Variants in GRHL2 observed in about 807,000 individuals in gnomAD.
GRHL2 encodes grainyhead like transcription factor 2, also known as grainyhead-like protein 2 homolog.
In GRHL2, 21 loss-of-function variants were observed where a neutral mutation model predicts 83.8. The ratio of observed to expected loss-of-function variants is 0.25; its 90% CI spans 0.18 to 0.36. The LOEUF is 0.36. Among genes scored for constraint, GRHL2 ranks in the 10% least tolerant of loss-of-function variants. The pLI is 1.00. For missense variants in GRHL2, 623 were observed against 781.8 expected (o/e 0.80, Z 2.42); for synonymous variants, 280 against 278.9 (o/e 1.00, Z -0.04).
chr8:101,557,022 A>G (rs1410161577), intron 3 of GRHL2, among the ~76,000 whole-genome samples: 1 of 151,998 alleles, frequency 6.6e-6, no homozygotes, highest in Non-Finnish European at 1.5e-5. Flanking sequence ...AATTTTTGCC[A>G]CTGCTTAATA....
intron 1 of GRHL2, 93 bp downstream of exon 1, chr8:101,492,882 G>A (rs1362593338): frequency 1.2e-5 from 14 of 1,161,390 alleles, no homozygotes; most frequent in Non-Finnish European, 1.7e-5. Flanking sequence ...AGTTGCTATT[G>A]TTGGTATTTT....
At chr8:101,511,186 T>C (rs1810457013) in intron 1 of GRHL2, among the ~76,000 whole-genome samples, 1 of 152,156 alleles carries the variant, frequency 6.6e-6, no homozygotes, top group Admixed American at 6.5e-5. Flanking sequence ...TAGTTCCATA[T>C]CAATAATACA....
At chr8:101,563,629 CT>C (rs1811653514) in intron 4 of GRHL2, among the ~76,000 whole-genome samples, 1 of 152,122 alleles carries the variant, frequency 6.6e-6, no homozygotes, top group Non-Finnish European at 1.5e-5. Flanking sequence ...ACTTTCAATG[CT>C]CTTGAAATTT....
chr8:101,673,140 A>G (rs1243542588), downstream of GRHL2, among the ~76,000 whole-genome samples: 2 of 151,974 alleles, frequency 1.3e-5, no homozygotes, highest in African/African-American at 2.4e-5. Context: ...AAGAAACTGC[A>G]TCAACTAATG....
At chr8:101,510,813 G>A (rs184412125) in intron 1 of GRHL2, among the ~76,000 whole-genome samples, 22 of 151,950 alleles carry the variant, frequency 1.4e-4, no homozygotes, top group South Asian at 1.0e-3. Flanking sequence ...TTCACTTGTC[G>A]GCCGGGCGTG....
intron 1 of GRHL2, 195 bp downstream of exon 1, chr8:101,492,984 A>C: frequency 3.1e-6 from 2 of 637,702 alleles, no homozygotes; most frequent in Non-Finnish European, 5.6e-6. Flanking sequence ...CAACAATGTG[A>C]ATATTTAATA....
intron 9 of GRHL2, among the ~76,000 whole-genome samples, chr8:101,627,338 A>G (rs1005856566): frequency 1.3e-5 from 2 of 152,080 alleles, no homozygotes; most frequent in Middle Eastern, 6.8e-3. Context: ...CATTATTATT[A>G]TATCTGTCAT....
chr8:101,670,573 C>G (rs1414134157), downstream of GRHL2, among the ~76,000 whole-genome samples: 16 of 152,220 alleles, frequency 1.1e-4, no homozygotes, highest in Non-Finnish European at 5.9e-5. Flanking sequence ...GGCTTGTTGT[C>G]ATGACTGTGT....
At chr8:101,664,917 A>G (rs550124493) in intron 15 of GRHL2, among the ~76,000 whole-genome samples, 1 of 152,204 alleles carries the variant, frequency 6.6e-6, no homozygotes, top group Non-Finnish European at 1.5e-5. Context: ...AACATAGGGG[A>G]TTCCTCTAAG....
intron 1 of GRHL2, among the ~76,000 whole-genome samples, chr8:101,532,768 AAG>A (rs1810964259): frequency 6.6e-6 from 1 of 151,746 alleles, no homozygotes; most frequent in South Asian, 2.1e-4. Context: ...AAAAAAAAAA[AAG>A]AGAGAGTAGA....
intron 14 of GRHL2, among the ~76,000 whole-genome samples, chr8:101,657,351 A>C (rs934018150): frequency 6.6e-6 from 1 of 152,182 alleles, no homozygotes; most frequent in African/African-American, 2.4e-5. Flanking sequence ...TTTTGGGCAA[A>C]GAGAACTTTC....
At chr8:101,552,082 G>A (rs1360048788) in intron 2 of GRHL2, among the ~76,000 whole-genome samples, 4 of 151,970 alleles carry the variant, frequency 2.6e-5, no homozygotes, top group Non-Finnish European at 4.4e-5. Context: ...TGATCCGCCC[G>A]CCTTGGCCTC....
chr8:101,525,408 C>G (rs1255615556), intron 1 of GRHL2, among the ~76,000 whole-genome samples: 1 of 151,944 alleles, frequency 6.6e-6, no homozygotes, highest in Non-Finnish European at 1.5e-5. Flanking sequence ...AAATTAAAGA[C>G]AGTAAATTTT....
chr8:101,654,902 G>T (rs1813751382), intron 14 of GRHL2, among the ~76,000 whole-genome samples: 2 of 152,184 alleles, frequency 1.3e-5, no homozygotes, highest in Non-Finnish European at 2.9e-5. Context: ...AAGTCTCCAG[G>T]CCAGGGGTAG....
intron 7 of GRHL2, among the ~76,000 whole-genome samples, chr8:101,578,916 G>A (rs190618430): frequency 9.2e-5 from 14 of 152,220 alleles, no homozygotes; most frequent in African/African-American, 2.9e-4. Flanking sequence ...TAGTTAAGCC[G>A]CTCCTCACCT....
At chr8:101,562,334 G>T in intron 4 of GRHL2, 5 of 647,700 alleles carry the variant, frequency 7.7e-6, no homozygotes, top group South Asian at 3.6e-5. Flanking sequence ...GGAATGCTTT[G>T]GTTCACCTAG....
rs1183045715 is a variant in GRHL2, at chr8:101,543,488, T to C, written c.216+52T>C. On this transcript the variant is annotated intron_variant, in intron 2 of 15. Coordinates refer to ENST00000646743, the MANE Select transcript of GRHL2 (RefSeq NM_024915.4). ...TTCTTCCTGCTCCAGGACAACCCTT[T>C]GCTGGTGGGAAGAAGGAACAGATTG... 3 of 1,529,626 alleles carry C rather than the reference T, an allele frequency of 2.0e-6. No homozygotes were observed. The African/African-American group carries it at 4.1e-5, about 21-fold the overall frequency. The allele number at this position is 1,529,626 out of a possible 1,614,324, so 94.8% of individuals were successfully genotyped here.
intron 1 of GRHL2, among the ~76,000 whole-genome samples, chr8:101,524,291 A>G (rs775310139): frequency 6.6e-6 from 1 of 152,166 alleles, no homozygotes; most frequent in Non-Finnish European, 1.5e-5. Flanking sequence ...TGCCATTTCA[A>G]AGAACCAATT....
intron 14 of GRHL2, among the ~76,000 whole-genome samples, chr8:101,656,740 G>T (rs1403482776): frequency 1.3e-5 from 2 of 152,202 alleles, no homozygotes; most frequent in East Asian, 3.8e-4. Flanking sequence ...TGGGATATAG[G>T]ATTGTTGTGA....
Sources: allele counts gnomAD v4.1 joint callset (sites outside exome capture counted in the v4.1 genomes callset), GRCh38; gene constraint gnomAD v4.1.1; transcripts MANE v1.5; gene names NCBI Gene and HGNC (gene_info 2026-07-23, HGNC 2026-07-21).